Variants in HDAC9 observed in about 807,000 individuals in gnomAD.
HDAC9 encodes the protein MEF-2 interacting transcription repressor (MITR) protein.
In HDAC9, 41 loss-of-function variants were observed where a neutral mutation model predicts 139.4. The observed-to-expected ratio is 0.29, with a 90% CI of 0.23 to 0.38. The LOEUF is 0.38. Ranked by LOEUF, HDAC9 falls within the 10% of genes least tolerant of loss-of-function variation. HDAC9 has a pLI of 1.00. For missense variants in HDAC9, 1,147 were observed against 1,297.0 expected (o/e 0.88, Z 1.78); for synonymous variants, 517 against 476.2 (o/e 1.09, Z -1.12).
At chr7:18,603,093 C>T (rs572514095) in intron 6 of HDAC9, among the ~76,000 whole-genome samples, 49 of 152,204 alleles carry the variant, frequency 3.2e-4, no homozygotes, top group African/African-American at 1.1e-3. Flanking sequence ...GCTTTGAAAT[C>T]TGCTCTGTCT....
At chr7:18,195,736 T>C (rs1790679850) in intron 2 of HDAC9, among the ~76,000 whole-genome samples, 1 of 152,204 alleles carries the variant, frequency 6.6e-6, no homozygotes, top group Admixed American at 6.6e-5. Flanking sequence ...CCTGTCACTT[T>C]TTTGATGAAT....
Position 18,938,085 on chromosome 7 carries a change from G to C in HDAC9, c.2937+2143G>C, listed in dbSNP as rs1234290513. Among the ~76,000 whole-genome samples the C allele has an allele frequency of 3.3e-5, 5 of 152,264 alleles. No individual in the cohort carries two copies. The East Asian group carries it at 9.6e-4, about 29-fold the overall frequency. ...CCATTCTATGACCTTTTGACTGGGA[G>C]AACTCTGGCCATTTTAGTACACGTG... is the stretch of plus-strand genomic sequence containing the variant. On this transcript the variant is annotated intron_variant, in intron 23 of 25. Coordinates refer to ENST00000686413, the MANE Select transcript of HDAC9 (RefSeq NM_178425.4).
upstream of HDAC9, among the ~76,000 whole-genome samples, chr7:18,490,750 C>T (rs897206361): frequency 3.9e-5 from 6 of 151,982 alleles, no homozygotes; most frequent in Admixed American, 2.0e-4. Flanking sequence ...GAATCAAGCT[C>T]ACTGACTGCA....
intron 7 of HDAC9, among the ~76,000 whole-genome samples, chr7:18,632,123 T>C (rs1000199505): frequency 1.2e-4 from 18 of 151,968 alleles, no homozygotes; most frequent in African/African-American, 4.3e-4. Flanking sequence ...AAGACGAGAG[T>C]TAGGAGTTGG....
intron 1 of HDAC9, among the ~76,000 whole-genome samples, chr7:18,395,408 C>T (rs1585600410): frequency 6.6e-6 from 1 of 151,890 alleles, no homozygotes; most frequent in East Asian, 1.9e-4. Context: ...TGCACTTCTT[C>T]TCTATTGGAA....
chr7:18,119,533 C>T (rs746347377), intron 1 of HDAC9, among the ~76,000 whole-genome samples: 7 of 152,144 alleles, frequency 4.6e-5, no homozygotes, highest in East Asian at 1.9e-4. Flanking sequence ...AGAGAACTGT[C>T]GGTCTTCTGA....
At chr7:18,310,069 A>T (rs1463304065) in intron 1 of HDAC9, among the ~76,000 whole-genome samples, 1 of 150,324 alleles carries the variant, frequency 6.7e-6, no homozygotes. Context: ...CTGATCATTC[A>T]GATGCACACT....
At chr7:18,384,909 A>AGAT (rs1785775255) in intron 1 of HDAC9, among the ~76,000 whole-genome samples, 2 of 151,966 alleles carry the variant, frequency 1.3e-5, no homozygotes, top group Non-Finnish European at 2.9e-5. Context: ...GTGATTAGAT[A>AGAT]GACACATTTC....
chr7:18,257,663 C>T (rs982283667), intron 2 of HDAC9, among the ~76,000 whole-genome samples: 2 of 152,066 alleles, frequency 1.3e-5, no homozygotes, highest in Non-Finnish European at 2.9e-5. Context: ...TTCCTAATAC[C>T]AACTCTAGGC....
chr7:18,472,366 G>C (rs1794790137), intron 1 of HDAC9, among the ~76,000 whole-genome samples: 1 of 152,066 alleles, frequency 6.6e-6, no homozygotes, highest in South Asian at 2.1e-4. Context: ...CCAAGCCATA[G>C]GATAAGGATC....
intron 1 of HDAC9, among the ~76,000 whole-genome samples, chr7:18,374,579 A>G (rs1393117566): frequency 1.3e-5 from 2 of 151,444 alleles, no homozygotes; most frequent in Non-Finnish European, 1.5e-5. Context: ...TTTGGCTACA[A>G]CATTAAAATG....
rs1175071524 is a variant in HDAC9, at chr7:18,986,768, C to T, written c.3171-9255C>T. On this transcript the variant is annotated intron_variant, in intron 25 of 25. Coordinates refer to ENST00000686413, the MANE Select transcript of HDAC9 (RefSeq NM_178425.4). ...TCCTTGAGCAGTGGTTTGTAGTTCT[C>T]CTTGAAGAGGTCCTTCACATCCCTT... is the stretch of plus-strand genomic sequence containing the variant. Among the ~76,000 whole-genome samples, 7 of 152,214 alleles carry T rather than the reference C, an allele frequency of 4.6e-5. No individual in the cohort carries two copies. In the East Asian group the frequency reaches 9.6e-4, roughly 21 times the overall value.
At chr7:18,613,407 T>C (rs1837709769) in intron 6 of HDAC9, among the ~76,000 whole-genome samples, 1 of 152,200 alleles carries the variant, frequency 6.6e-6, no homozygotes, top group Admixed American at 6.5e-5. Flanking sequence ...TCTGAGCACA[T>C]AGAGCGGATT....
At chr7:18,786,123 TA>T (rs1791692839) in intron 16 of HDAC9, among the ~76,000 whole-genome samples, 1 of 152,160 alleles carries the variant, frequency 6.6e-6, no homozygotes, top group African/African-American at 2.4e-5. Flanking sequence ...TATGACTGAG[TA>T]AACGAAATCA....
intron 1 of HDAC9, among the ~76,000 whole-genome samples, chr7:18,136,716 A>G (rs1276178189): frequency 1.3e-5 from 2 of 151,218 alleles, no homozygotes; most frequent in African/African-American, 2.4e-5. Flanking sequence ...GCCTTGTAGT[A>G]TAGTTTGAAG....
chr7:18,413,139 A>G (rs1357877568), intron 1 of HDAC9, among the ~76,000 whole-genome samples: 2 of 152,200 alleles, frequency 1.3e-5, no homozygotes, highest in Admixed American at 6.5e-5. Context: ...TTTCATCGCA[A>G]TTTGAAGGGT....
At chr7:18,762,878 A>C (rs1436962452) in intron 15 of HDAC9, among the ~76,000 whole-genome samples, 1 of 152,204 alleles carries the variant, frequency 6.6e-6, no homozygotes, top group African/African-American at 2.4e-5. Flanking sequence ...GTCAGATTTT[A>C]AAATAAAATT....
intron 22 of HDAC9, 82 bp downstream of exon 22, chr7:18,874,678 C>A: frequency 2.6e-6 from 2 of 770,536 alleles, no homozygotes; most frequent in Non-Finnish European, 4.5e-6. Context: ...CCACCTTTTA[C>A]ATGTGTCCAG....
intron 2 of HDAC9, among the ~76,000 whole-genome samples, chr7:18,175,104 G>A (rs1788778943): frequency 6.6e-6 from 1 of 152,176 alleles, no homozygotes; most frequent in African/African-American, 2.4e-5. Context: ...AGCTGTGGTG[G>A]GCTCCACCTA....
Sources: gnomAD v4.1 joint callset for allele counts (sites outside exome capture counted in the v4.1 genomes callset) on GRCh38, gnomAD v4.1.1 for gene constraint, MANE v1.5 for transcripts, NCBI Gene and HGNC (gene_info 2026-07-23, HGNC 2026-07-21) for gene names.